GPD1L: variants seen among roughly 807,000 people sequenced by gnomAD.
GPD1L encodes glycerol-3-phosphate dehydrogenase 1-like protein.
GPD1L carries 17 observed loss-of-function variants against 32.9 expected under a neutral mutation model. The ratio of observed to expected loss-of-function variants is 0.52; its 90% CI spans 0.35 to 0.78. The LOEUF (loss-of-function observed/expected upper bound fraction) is 0.78, where lower values mean the gene tolerates loss of function less well. Ranked by LOEUF, GPD1L falls within the 30% of genes least tolerant of loss-of-function variation. GPD1L has a pLI of 0.01. For missense variants in GPD1L, 361 were observed against 447.8 expected (o/e 0.81, Z 1.75); for synonymous variants, 187 against 165.9 (o/e 1.13, Z -0.98).
rs972644448 is a variant in GPD1L, at chr3:32,167,291, C to G, written c.*1381C>G. On this transcript the variant is annotated 3_prime_UTR_variant, in exon 8 of 8. Coordinates refer to ENST00000282541, the MANE Select transcript of GPD1L (RefSeq NM_015141.4). ...ACATCAGTGGAACCCATTTTTCTAG[C>G]CTAGCAAGTCCCAAACACATTACAC... The G allele has an allele frequency of 4.6e-5, 7 of 152,154 alleles. No individual in the cohort carries two copies. In the South Asian group the frequency reaches 1.2e-3, roughly 27 times the overall value. 9.4% of individuals were successfully genotyped at this position (152,154 alleles called of 1,614,324 possible). A position where few individuals can be genotyped will look rare whatever the true frequency, so the allele number is the denominator to read the frequency against.
chr3:32,136,825 A>G (rs947548217), intron 2 of GPD1L, among the ~76,000 whole-genome samples: 5 of 152,256 alleles, frequency 3.3e-5, no homozygotes, highest in Middle Eastern at 3.4e-3. Flanking sequence ...ATCAAGGCTA[A>G]GTTACCAAGG....
intron 2 of GPD1L, among the ~76,000 whole-genome samples, chr3:32,130,562 T>C (rs1043217086): frequency 2.0e-5 from 3 of 152,104 alleles, no homozygotes; most frequent in African/African-American, 7.2e-5. Flanking sequence ...ATGTGGCCCC[T>C]CCCACATAGG....
intron 2 of GPD1L, among the ~76,000 whole-genome samples, chr3:32,136,755 C>T (rs1028911634): frequency 2.6e-5 from 4 of 151,654 alleles, no homozygotes; most frequent in Non-Finnish European, 5.9e-5. Flanking sequence ...ATTCTTGGTC[C>T]CATGTTTTTT....
intron 2 of GPD1L, among the ~76,000 whole-genome samples, chr3:32,133,898 G>A (rs374486723): frequency 8.5e-5 from 13 of 152,200 alleles, no homozygotes; most frequent in African/African-American, 3.1e-4. Flanking sequence ...GTTTCCAATG[G>A]TTTTTATTTA....
chr3:32,159,872 C>G (rs982503794), intron 7 of GPD1L, among the ~76,000 whole-genome samples, 198 bp downstream of exon 7: 1 of 152,188 alleles, frequency 6.6e-6, no homozygotes, highest in Non-Finnish European at 1.5e-5. Flanking sequence ...TTACACAAAA[C>G]CAGGCTCAAC....
intron 4 of GPD1L, among the ~76,000 whole-genome samples, chr3:32,145,586 G>T (rs1239028098): frequency 6.6e-6 from 1 of 152,070 alleles, no homozygotes; most frequent in Non-Finnish European, 1.5e-5. Flanking sequence ...CTTGAGGGAG[G>T]GGCTGGTCTG....
At chr3:32,110,884 T>C (rs1419052375) in intron 1 of GPD1L, among the ~76,000 whole-genome samples, 1 of 152,240 alleles carries the variant, frequency 6.6e-6, no homozygotes, top group Non-Finnish European at 1.5e-5. Context: ...TTGTTGTTGT[T>C]GAGACAGAGT....
intron 5 of GPD1L, among the ~76,000 whole-genome samples, chr3:32,150,304 A>G (rs1700896271): frequency 6.6e-6 from 1 of 152,200 alleles, no homozygotes; most frequent in African/African-American, 2.4e-5. Context: ...AAGTACAAAA[A>G]TCATAAGTAT....
intron 1 of GPD1L, among the ~76,000 whole-genome samples, chr3:32,125,799 G>T (rs1016335828): frequency 1.3e-5 from 2 of 150,734 alleles, no homozygotes; most frequent in African/African-American, 5.0e-5. Context: ...AATGCATTAC[G>T]CATAGTAGGT....
At chr3:32,163,653 C>G (rs991771335) in intron 7 of GPD1L, among the ~76,000 whole-genome samples, 3 of 152,116 alleles carry the variant, frequency 2.0e-5, no homozygotes, top group Admixed American at 6.6e-5. Flanking sequence ...AACTGTGGTT[C>G]AATTTACTCA....
At chr3:32,123,751 G>A (rs1467778989) in intron 1 of GPD1L, among the ~76,000 whole-genome samples, 1 of 151,794 alleles carries the variant, frequency 6.6e-6, no homozygotes, top group Non-Finnish European at 1.5e-5. Context: ...AAAATAGGCA[G>A]GCAGGTAGAT....
chr3:32,134,104 G>A (rs1255059355), intron 2 of GPD1L, among the ~76,000 whole-genome samples: 1 of 152,164 alleles, frequency 6.6e-6, no homozygotes, highest in Admixed American at 6.5e-5. Flanking sequence ...GTTTTGGCAG[G>A]AGGCTCACAA....
chr3:32,158,898 G>T lies in GPD1L; in HGVS notation c.641G>T (p.Gly214Val), dbSNP rs1701034385. ...CAGAACATCGTAGCTGTGGGAGCTGGGTTCTGCGACGGCCTCCGCTGTGGA... is the reference window on the plus strand; with the variant it reads ...CAGAACATCGTAGCTGTGGGAGCTGTGTTCTGCGACGGCCTCCGCTGTGGA... ...ALKNIVAVGAGFCDGLRCGDN... is the reference protein window; with the variant it reads ...ALKNIVAVGAVFCDGLRCGDN... Residue 214 changes from glycine to valine, a missense_variant, in exon 6 of 8, where the codon GGG (glycine) becomes GTG (valine). Coordinates refer to ENST00000282541, the MANE Select transcript of GPD1L (RefSeq NM_015141.4). The T allele has an allele frequency of 1.9e-6, 3 of 1,614,036 alleles. No homozygotes were observed. In the East Asian group the frequency reaches 6.7e-5, roughly 36 times the overall value.
intron 2 of GPD1L, among the ~76,000 whole-genome samples, chr3:32,130,898 G>T (rs1487850165): frequency 3.3e-5 from 5 of 151,942 alleles, no homozygotes; most frequent in African/African-American, 7.3e-5. Context: ...CTGTAATCCC[G>T]GCTATACTCG....
chr3:32,154,893 G>A (rs1156426298), intron 5 of GPD1L, among the ~76,000 whole-genome samples: 1 of 152,036 alleles, frequency 6.6e-6, no homozygotes, highest in African/African-American at 2.4e-5. Flanking sequence ...GACGAAAGGT[G>A]CATGCCACCA....
At chr3:32,137,209 C>G (rs1226871079) in intron 2 of GPD1L, among the ~76,000 whole-genome samples, 3 of 152,156 alleles carry the variant, frequency 2.0e-5, no homozygotes, top group Non-Finnish European at 1.5e-5. Flanking sequence ...ACCAGGAATG[C>G]TTAATGGGGA....
At chr3:32,114,259 C>A (rs1236474970) in intron 1 of GPD1L, among the ~76,000 whole-genome samples, 1 of 152,208 alleles carries the variant, frequency 6.6e-6, no homozygotes, top group Non-Finnish European at 1.5e-5. Context: ...CATCCTTCAG[C>A]AGGCTAGCTT....
chr3:32,151,332 C>T, intron 5 of GPD1L: 1 of 668,776 alleles, frequency 1.5e-6, no homozygotes. Context: ...TTGTTTACCA[C>T]AATGCCAGCA....
intron 2 of GPD1L, among the ~76,000 whole-genome samples, chr3:32,133,444 A>G (rs1359365525): frequency 6.6e-6 from 1 of 152,192 alleles, no homozygotes; most frequent in Non-Finnish European, 1.5e-5. Flanking sequence ...TTATAATACT[A>G]TATTAAAAAG....
Sources: allele counts gnomAD v4.1 joint callset (sites outside exome capture counted in the v4.1 genomes callset), GRCh38; gene constraint gnomAD v4.1.1; transcripts MANE v1.5; gene names NCBI Gene and HGNC (gene_info 2026-07-23, HGNC 2026-07-21).